CLVS1: variants seen among roughly 807,000 people sequenced by gnomAD.
The protein encoded by CLVS1 is clavesin 1.
In CLVS1, 10 loss-of-function variants were observed where a neutral mutation model predicts 33.1. That is an observed-to-expected ratio of 0.30 (90% CI 0.19 to 0.51). The LOEUF (loss-of-function observed/expected upper bound fraction) is 0.51. Ranked by LOEUF, CLVS1 falls within the 20% of genes least tolerant of loss-of-function variation. The pLI, the probability that CLVS1 is intolerant of heterozygous loss-of-function variation, is 0.97. For synonymous variants in CLVS1, 163 were observed against 166.1 expected (o/e 0.98, Z 0.14); for missense variants, 343 against 433.4 (o/e 0.79, Z 1.85).
At chr8:61,471,080 C>T (rs1817719243) in intron 5 of CLVS1, among the ~76,000 whole-genome samples, 1 of 152,168 alleles carries the variant, frequency 6.6e-6, no homozygotes, top group African/African-American at 2.4e-5. Context: ...GACTTTGAGG[C>T]CATGATTACA....
intron 2 of CLVS1, among the ~76,000 whole-genome samples, chr8:61,245,002 C>T (rs1457720345): frequency 6.6e-6 from 1 of 152,032 alleles, no homozygotes; most frequent in Non-Finnish European, 1.5e-5. Context: ...CATAAATAAT[C>T]AGAATTTTTA....
chr8:61,140,752 G>C (rs939425066), intron 2 of CLVS1, among the ~76,000 whole-genome samples: 2 of 151,950 alleles, frequency 1.3e-5, no homozygotes, highest in African/African-American at 4.8e-5. Context: ...ATTTTTAGTA[G>C]AGATGGGGTT....
chr8:61,375,879 C>G (rs1340708005), intron 2 of CLVS1, among the ~76,000 whole-genome samples: 1 of 152,134 alleles, frequency 6.6e-6, no homozygotes, highest in Non-Finnish European at 1.5e-5. Flanking sequence ...AATCACGTGG[C>G]AAATGGGCAT....
chr8:61,085,973 T>G (rs1289902664), intron 1 of CLVS1, among the ~76,000 whole-genome samples: 2 of 128,862 alleles, frequency 1.6e-5, no homozygotes, highest in Non-Finnish European at 3.1e-5. Flanking sequence ...GAGGCGGAGC[T>G]TGCAGTGAGC....
At chr8:61,198,741 C>G (rs1470035634) in intron 2 of CLVS1, among the ~76,000 whole-genome samples, 1 of 152,174 alleles carries the variant, frequency 6.6e-6, no homozygotes, top group South Asian at 2.1e-4. Context: ...TTCTAAGTCT[C>G]CAAAGTCCAT....
At chr8:61,288,220 C>A (rs1428644336) in intron 1 of CLVS1, 82 bp downstream of exon 1, 3 of 456,244 alleles carry the variant, frequency 6.6e-6, no homozygotes, top group African/African-American at 4.0e-5. Context: ...ATGGCTGCGG[C>A]GTTTCAGCAC....
At chr8:61,433,344 T>C (rs1346165298) in intron 3 of CLVS1, among the ~76,000 whole-genome samples, 1 of 152,182 alleles carries the variant, frequency 6.6e-6, no homozygotes, top group Non-Finnish European at 1.5e-5. Flanking sequence ...CAATTATACA[T>C]TGTCTCGGGC....
At chr8:61,099,788 C>A (rs1289846739) in intron 1 of CLVS1, among the ~76,000 whole-genome samples, 1 of 152,192 alleles carries the variant, frequency 6.6e-6, no homozygotes, top group Non-Finnish European at 1.5e-5. Context: ...TGTGGGCAAA[C>A]TAATATTCAG....
intron 1 of CLVS1, among the ~76,000 whole-genome samples, chr8:61,115,300 G>T (rs1484500047): frequency 6.6e-6 from 1 of 151,852 alleles, no homozygotes; most frequent in Non-Finnish European, 1.5e-5. Flanking sequence ...ACAATGTCTA[G>T]CAAATAGTAA....
At chr8:61,217,115 C>T (rs778919037) in intron 2 of CLVS1, among the ~76,000 whole-genome samples, 9 of 152,074 alleles carry the variant, frequency 5.9e-5, no homozygotes, top group Non-Finnish European at 1.2e-4. Context: ...CTTTCTGAGA[C>T]TTTTTCATGA....
At chr8:61,145,059 C>T (rs932764493) in intron 2 of CLVS1, among the ~76,000 whole-genome samples, 4 of 152,186 alleles carry the variant, frequency 2.6e-5, no homozygotes, top group Admixed American at 2.6e-4. Context: ...TGTTTGTTGG[C>T]TGCATAAATG....
At chr8:61,382,043 C>T (rs1362938930) in intron 3 of CLVS1, among the ~76,000 whole-genome samples, 1 of 152,166 alleles carries the variant, frequency 6.6e-6, no homozygotes, top group Non-Finnish European at 1.5e-5. Context: ...GGTTTATTCT[C>T]TCTGGCTTCC....
intron 5 of CLVS1, among the ~76,000 whole-genome samples, chr8:61,475,209 G>T (rs1231660088): frequency 1.3e-5 from 2 of 152,142 alleles, no homozygotes; most frequent in Non-Finnish European, 2.9e-5. Context: ...CTGGACATTT[G>T]GGTTGGTTCC....
At chr8:61,005,628 G>A in the CLVS1 span, among the ~76,000 whole-genome samples, 5 of 152,140 alleles carry the variant, frequency 3.3e-5, no homozygotes, top group African/African-American at 1.2e-4. Flanking sequence ...AAGTATGGAC[G>A]GAGCAGATGT....
rs115094363 is a variant in CLVS1, at chr8:61,442,067, G to C, written c.631-12074G>C. On this transcript the variant is annotated intron_variant, in intron 3 of 5. Transcript: ENST00000325897. The stretch of plus-strand genomic sequence containing the variant: ...GATGGCCCATGTTACCCTTTTATAG[G>C]CACACTCACTTCCCTCAACCCCACC... 4.0e-3 allele frequency among the ~76,000 whole-genome samples: 606 copies of C among 152,120 alleles called. 2 individuals are homozygous for C. The highest frequency in any genetic ancestry group is 0.013 in the African/African-American group (552 of 41,490).
At chr8:61,419,315 T>G (rs1305336366) in intron 3 of CLVS1, among the ~76,000 whole-genome samples, 3 of 147,686 alleles carry the variant, frequency 2.0e-5, no homozygotes, top group African/African-American at 7.8e-5. Flanking sequence ...GAGAATCGCT[T>G]GAACCCAGGA....
At chr8:61,469,698 AG>A (rs1363035193) in intron 5 of CLVS1, among the ~76,000 whole-genome samples, 2 of 152,210 alleles carry the variant, frequency 1.3e-5, no homozygotes, top group African/African-American at 4.8e-5. Context: ...GAAAAGAATA[AG>A]GGTTGGCAGT....
chr8:61,145,445 G>A (rs1281825600), intron 2 of CLVS1, among the ~76,000 whole-genome samples: 1 of 152,174 alleles, frequency 6.6e-6, no homozygotes, highest in African/African-American at 2.4e-5. Flanking sequence ...TTCAAATATG[G>A]TAGGTACAAA....
At chr8:61,486,480 A>C (rs899505288) in intron 5 of CLVS1, among the ~76,000 whole-genome samples, 40 of 152,212 alleles carry the variant, frequency 2.6e-4, no homozygotes, top group African/African-American at 9.6e-4. Context: ...TTTTGAAATT[A>C]ACCTTTAATT....
Sources: gnomAD v4.1 joint callset for allele counts (sites outside exome capture counted in the v4.1 genomes callset) on GRCh38, gnomAD v4.1.1 for gene constraint, MANE v1.5 for transcripts, NCBI Gene and HGNC (gene_info 2026-07-23, HGNC 2026-07-21) for gene names.